Variants in TRHDE observed in about 807,000 individuals in gnomAD.
The protein encoded by TRHDE is thyrotropin releasing hormone degrading enzyme.
TRHDE carries 72 observed loss-of-function variants against 125.7 expected under a neutral mutation model. That is an observed-to-expected ratio of 0.57 (90% CI 0.47 to 0.70). The LOEUF (loss-of-function observed/expected upper bound fraction) is 0.70. TRHDE is among the 30% of genes least tolerant of loss of function. The pLI is 0.00. For synonymous variants in TRHDE, 509 were observed against 509.1 expected (o/e 1.00, Z 0.00); for missense variants, 1,110 against 1,327.1 (o/e 0.84, Z 2.54).
chr12:72,454,186 G>GTT (rs201465755), intron 3 of TRHDE, among the ~76,000 whole-genome samples: 2 of 150,344 alleles, frequency 1.3e-5, no homozygotes, highest in Admixed American at 6.6e-5. Flanking sequence ...TGATAAATTT[G>GTT]TTTTTTTTTA....
intron 2 of TRHDE, among the ~76,000 whole-genome samples, chr12:72,373,097 A>G (rs1016351767): frequency 6.6e-6 from 1 of 151,894 alleles, no homozygotes; most frequent in Admixed American, 6.6e-5. Context: ...CCTTGAAGAG[A>G]TCCTTCATGT....
intron 6 of TRHDE, among the ~76,000 whole-genome samples, chr12:72,502,874 G>A (rs1192782526): frequency 6.6e-6 from 1 of 152,158 alleles, no homozygotes; most frequent in Admixed American, 6.5e-5. Context: ...ATGGAGAAAT[G>A]AGGGTTAAAA....
rs552481179 is a variant in TRHDE at position 72,442,528 on chromosome 12, G to A, written c.1316-27230G>A. 1.8e-4 allele frequency among the ~76,000 whole-genome samples: 28 copies of A among 151,942 alleles called. No homozygotes were observed. In the South Asian group the frequency reaches 2.9e-3, roughly 16 times the overall value. ...TCTGCATTTCCTTGCTGCATTTGGC[G>A]TTATTGATCCTTCTTTCATTCTTGG... On this transcript the variant is annotated intron_variant, in intron 3 of 18. Coordinates refer to ENST00000261180, the MANE Select transcript of TRHDE (RefSeq NM_013381.3).
intron 6 of TRHDE, among the ~76,000 whole-genome samples, chr12:72,541,664 T>C (rs1012925795): frequency 6.6e-6 from 1 of 151,432 alleles, no homozygotes; most frequent in Non-Finnish European, 1.5e-5. Context: ...TATTGAGTTA[T>C]TTAAGCTTTA....
chr12:72,463,306 A>C (rs1876214075), intron 3 of TRHDE, among the ~76,000 whole-genome samples: 1 of 152,218 alleles, frequency 6.6e-6, no homozygotes, highest in Non-Finnish European at 1.5e-5. Flanking sequence ...TTAAGGTTGA[A>C]GTCTGGGGCA....
chr12:72,543,340 G>A (rs1250341807), intron 7 of TRHDE, among the ~76,000 whole-genome samples: 1 of 151,344 alleles, frequency 6.6e-6, no homozygotes, highest in Non-Finnish European at 1.5e-5. Flanking sequence ...TAAATTTTTT[G>A]AAGAATAATT....
At chr12:72,543,618 A>C (rs1869262104) in intron 7 of TRHDE, among the ~76,000 whole-genome samples, 1 of 151,374 alleles carries the variant, frequency 6.6e-6, no homozygotes, top group African/African-American at 2.4e-5. Flanking sequence ...CAGTTTCAGA[A>C]AATATCTAAC....
chr12:72,199,269 G>A lies in TRHDE; in HGVS notation n.279+93517G>A, dbSNP rs150347151. Among the ~76,000 whole-genome samples the A allele has an allele frequency of 6.8e-4, 104 of 152,204 alleles. 1 individual carries two copies. In the East Asian group the frequency reaches 0.016, roughly 24 times the overall value. On this transcript the variant is annotated intron_variant and non_coding_transcript_variant, in intron 2 of 4. Coordinates refer to the TRHDE transcript ENST00000548156. ...CATTTAAAATCACCATAGGAGGTAT[G>A]TCAGAGCTTAAAAAAAAACAGCTTA...
At chr12:72,456,752 A>G (rs1316843987) in intron 3 of TRHDE, among the ~76,000 whole-genome samples, 1 of 152,186 alleles carries the variant, frequency 6.6e-6, no homozygotes, top group Non-Finnish European at 1.5e-5. Flanking sequence ...TTTCCTCCTT[A>G]TAAAATACAA....
At chr12:72,519,750 C>G (rs1435365642) in intron 6 of TRHDE, among the ~76,000 whole-genome samples, 1 of 152,158 alleles carries the variant, frequency 6.6e-6, no homozygotes, top group Non-Finnish European at 1.5e-5. Flanking sequence ...TTTTTCTGTT[C>G]TGTTTTTTCC....
chr12:72,379,573 G>A (rs968956765), intron 3 of TRHDE, among the ~76,000 whole-genome samples: 2 of 152,190 alleles, frequency 1.3e-5, no homozygotes, highest in African/African-American at 4.8e-5. Context: ...TATATTGCAA[G>A]TACAGCAAGA....
chr12:72,523,939 G>A (rs770280150), intron 6 of TRHDE, among the ~76,000 whole-genome samples: 5 of 152,168 alleles, frequency 3.3e-5, no homozygotes, highest in Non-Finnish European at 7.3e-5. Flanking sequence ...GAAGCCGGAA[G>A]TGAAAGCTGT....
intron 2 of TRHDE, among the ~76,000 whole-genome samples, chr12:72,127,409 C>A (rs1334279994): frequency 1.3e-5 from 2 of 152,150 alleles, no homozygotes; most frequent in African/African-American, 4.8e-5. Context: ...CAGCACAATT[C>A]ACAATAGCAA....
chr12:72,226,568 C>G (rs1878131791), intron 2 of TRHDE, among the ~76,000 whole-genome samples: 1 of 152,092 alleles, frequency 6.6e-6, no homozygotes, highest in African/African-American at 2.4e-5. Flanking sequence ...AAGTCATGAT[C>G]TTTAGCTTAT....
chr12:72,500,721 G>A (rs992984716), intron 6 of TRHDE, among the ~76,000 whole-genome samples: 13 of 151,980 alleles, frequency 8.6e-5, no homozygotes, highest in Admixed American at 5.9e-4. Context: ...CTCTGTGAGG[G>A]ATAAAAAGAT....
chr12:72,091,585 G>A (rs1000354119), intron 1 of TRHDE, among the ~76,000 whole-genome samples: 12 of 152,126 alleles, frequency 7.9e-5, no homozygotes, highest in Non-Finnish European at 1.5e-4. Flanking sequence ...GGGTGTGCAC[G>A]TGACCCAGGT....
At chr12:72,176,946 T>G (rs545353183) in intron 2 of TRHDE, among the ~76,000 whole-genome samples, 103 of 151,902 alleles carry the variant, frequency 6.8e-4, no homozygotes, top group African/African-American at 2.3e-3. Flanking sequence ...AAATAAAAAG[T>G]TTTTTTTGTG....
At chr12:72,489,446 T>A (rs1877561064) in intron 5 of TRHDE, among the ~76,000 whole-genome samples, 1 of 151,920 alleles carries the variant, frequency 6.6e-6, no homozygotes, top group Admixed American at 6.6e-5. Context: ...TTCAACATGA[T>A]TCCTCTCAAA....
At chr12:72,543,934 AAC>A (rs1869284367) in intron 7 of TRHDE, among the ~76,000 whole-genome samples, 2 of 151,028 alleles carry the variant, frequency 1.3e-5, no homozygotes, top group Admixed American at 6.6e-5. Flanking sequence ...TTTTATATGA[AAC>A]AGTTAGAATA....
Sources: allele counts gnomAD v4.1 joint callset (sites outside exome capture counted in the v4.1 genomes callset), GRCh38; gene constraint gnomAD v4.1.1; transcripts MANE v1.5; gene names NCBI Gene and HGNC (gene_info 2026-07-23, HGNC 2026-07-21).